Variants in EYA1 observed in about 807,000 individuals in gnomAD.
The protein encoded by EYA1 is EYA transcriptional coactivator and phosphatase 1.
In EYA1, 16 loss-of-function variants were observed where a neutral mutation model predicts 82.0. The ratio of observed to expected loss-of-function variants is 0.20; its 90% CI spans 0.13 to 0.30. EYA1 has a LOEUF of 0.30. EYA1 is among the 10% of genes least tolerant of loss of function. The probability of loss-of-function intolerance (pLI) is 1.00; values close to 1 mark genes in which losing one functional copy is unlikely to be tolerated. For synonymous variants in EYA1, 261 were observed against 264.4 expected (o/e 0.99, Z 0.12); for missense variants, 633 against 730.7 (o/e 0.87, Z 1.54).
chr8:71,362,162 T>TTC, upstream of EYA1: 2 of 969,486 alleles, frequency 2.1e-6, no homozygotes, highest in Non-Finnish European at 2.4e-6. Context: ...TTTCTTTTTT[T>TTC]TTTTTTTTTT....
intron 2 of EYA1, among the ~76,000 whole-genome samples, chr8:71,483,559 C>CA (rs5892280): frequency 0.5 from 73,720 of 148,664 alleles, 18,570 homozygotes; most frequent in East Asian, 0.79. Flanking sequence ...TTAGAATATA[C>CA]AAAAAAAAAA....
chr8:71,537,732 C>T (rs1814819649), intron 1 of EYA1, among the ~76,000 whole-genome samples: 2 of 152,130 alleles, frequency 1.3e-5, no homozygotes, highest in Admixed American at 1.3e-4. Context: ...CAATCAAAAT[C>T]TGTATATTTG....
rs182193241 is a variant in EYA1 at position 71,203,405 on chromosome 8, T to G, written c.1699-3985A>C. Among the ~76,000 whole-genome samples the G allele has an allele frequency of 9.9e-5, 15 of 152,122 alleles. No homozygotes were observed. In the East Asian group the frequency reaches 2.9e-3, roughly 29 times the overall value. On this transcript the variant is annotated intron_variant, in intron 17 of 17. Coordinates refer to ENST00000340726, the MANE Select transcript of EYA1 (RefSeq NM_000503.6). ...ACAATTTTATTACAGTGTAAGGCAA[T>G]GAGGGATGAAGAATTAAAAAGACAA... is the stretch of plus-strand genomic sequence containing the variant.
intron 6 of EYA1, among the ~76,000 whole-genome samples, chr8:71,318,164 T>C (rs1309494239): frequency 1.3e-5 from 2 of 152,180 alleles, no homozygotes; most frequent in East Asian, 1.9e-4. Flanking sequence ...TCCTTTACTC[T>C]TTCTACTACA....
At chr8:71,332,339 G>A (rs988811033) in intron 4 of EYA1, among the ~76,000 whole-genome samples, 1 of 152,048 alleles carries the variant, frequency 6.6e-6, no homozygotes, top group Non-Finnish European at 1.5e-5. Flanking sequence ...GCATCTGCAG[G>A]TAGATGCTGC....
chr8:71,368,451 G>C (rs1270811068), intron 2 of EYA1, among the ~76,000 whole-genome samples: 1 of 151,906 alleles, frequency 6.6e-6, no homozygotes, highest in Non-Finnish European at 1.5e-5. Flanking sequence ...GGATGCAGGG[G>C]AGTGGGTAAG....
chr8:71,302,258 C>G (rs1820277745), intron 7 of EYA1, among the ~76,000 whole-genome samples: 1 of 151,848 alleles, frequency 6.6e-6, no homozygotes, highest in Non-Finnish European at 1.5e-5. Context: ...CCCTATCCAC[C>G]AAGAAAATGA....
At chr8:71,398,804 C>T (rs1241741562) in intron 2 of EYA1, among the ~76,000 whole-genome samples, 1 of 152,200 alleles carries the variant, frequency 6.6e-6, no homozygotes, top group Non-Finnish European at 1.5e-5. Context: ...GCTGGGAGAA[C>T]CACTACTCTC....
chr8:71,231,835 C>G (rs1488645348), intron 12 of EYA1, among the ~76,000 whole-genome samples: 1 of 152,174 alleles, frequency 6.6e-6, no homozygotes, highest in African/African-American at 2.4e-5. Context: ...CTCAACATTT[C>G]CAAAATAGAT....
chr8:71,229,453 T>C (rs1810941959), intron 12 of EYA1, among the ~76,000 whole-genome samples: 4 of 152,200 alleles, frequency 2.6e-5, no homozygotes, highest in African/African-American at 9.6e-5. Context: ...AGAAACTCTT[T>C]GAAGAAAAGA....
At chr8:71,391,301 T>C (rs1829268324) in intron 2 of EYA1, among the ~76,000 whole-genome samples, 1 of 152,308 alleles carries the variant, frequency 6.6e-6, no homozygotes, top group Non-Finnish European at 1.5e-5. Context: ...TCTTCTTTTG[T>C]TAATAGCTTC....
At chr8:71,350,712 A>AT (rs989410611) in intron 3 of EYA1, among the ~76,000 whole-genome samples, 29 of 152,104 alleles carry the variant, frequency 1.9e-4, no homozygotes, top group Middle Eastern at 3.2e-3. Flanking sequence ...TAGAGCTCTG[A>AT]TTTTTGCTTG....
chr8:71,388,024 C>G (rs187697441), intron 2 of EYA1, among the ~76,000 whole-genome samples: 1 of 152,254 alleles, frequency 6.6e-6, no homozygotes, highest in Admixed American at 6.5e-5. Flanking sequence ...TGTGCTAAGC[C>G]TGCACACATT....
chr8:71,407,268 T>A (rs1398101687), intron 2 of EYA1, among the ~76,000 whole-genome samples: 1 of 137,538 alleles, frequency 7.3e-6, no homozygotes, highest in Non-Finnish European at 1.6e-5. Context: ...ACCACAAAGA[T>A]GGGGAAAAAA....
intron 2 of EYA1, among the ~76,000 whole-genome samples, chr8:71,433,049 C>G (rs1805739023): frequency 6.6e-6 from 1 of 152,198 alleles, no homozygotes; most frequent in African/African-American, 2.4e-5. Flanking sequence ...TAAAGAGACA[C>G]AGGCTACTAC....
intron 17 of EYA1, among the ~76,000 whole-genome samples, chr8:71,202,639 G>T (rs986389548): frequency 2.6e-5 from 4 of 152,118 alleles, no homozygotes; most frequent in African/African-American, 9.7e-5. Flanking sequence ...AAGAGCCAAA[G>T]GTTCTACAAT....
rs549938459 is a variant in EYA1 at position 71,347,569 on chromosome 8, G to A, written c.124+7213C>T. Among the ~76,000 whole-genome samples the A allele has an allele frequency of 5.9e-5, 9 of 152,146 alleles. No homozygotes were observed. In the East Asian group the frequency reaches 1.2e-3, roughly 20 times the overall value. On this transcript the variant is annotated intron_variant, in intron 3 of 17. Transcript: ENST00000340726. ...GATCTCCTGACCTTGTGCTCTGCCC[G>A]CCTCAGCCTCCCAAAGTGCCTAAAG...
chr8:71,331,970 C>T (rs1487804683), intron 4 of EYA1, among the ~76,000 whole-genome samples: 1 of 152,144 alleles, frequency 6.6e-6, no homozygotes, highest in East Asian at 1.9e-4. Context: ...GTCTCAGCCT[C>T]CTTAGTAGCT....
intron 9 of EYA1, among the ~76,000 whole-genome samples, chr8:71,294,412 A>G (rs1819365768): frequency 6.6e-6 from 1 of 152,282 alleles, no homozygotes; most frequent in East Asian, 1.9e-4. Context: ...GTGAGCCGAG[A>G]TAGCGCCACG....
Sources: allele counts gnomAD v4.1 joint callset (sites outside exome capture counted in the v4.1 genomes callset), GRCh38; gene constraint gnomAD v4.1.1; transcripts MANE v1.5; gene names NCBI Gene and HGNC (gene_info 2026-07-23, HGNC 2026-07-21).